MCTP1: variants seen among roughly 807,000 people sequenced by gnomAD.
MCTP1 encodes the protein multiple C2 and transmembrane domain containing 1, also known as multiple C2 and transmembrane domain-containing protein 1.
MCTP1 carries 69 observed loss-of-function variants against 120.6 expected under a neutral mutation model. That is an observed-to-expected ratio of 0.57 (90% CI 0.47 to 0.70). The LOEUF is 0.70. MCTP1 is among the 30% of genes least tolerant of loss of function. The probability of loss-of-function intolerance (pLI) is 0.00; values close to 1 mark genes in which losing one functional copy is unlikely to be tolerated. For synonymous variants in MCTP1, 529 were observed against 493.1 expected, an observed-to-expected ratio of 1.07 and a Z score of -0.96; for missense variants, 1,203 against 1,248.8, an observed-to-expected ratio of 0.96 and a Z score of 0.55.
At chr5:94,863,580 A>C (rs1796225153) in intron 17 of MCTP1, among the ~76,000 whole-genome samples, 1 of 151,926 alleles carries the variant, frequency 6.6e-6, no homozygotes, top group Non-Finnish European at 1.5e-5. Context: ...CTTTGTTTTC[A>C]CATTGATACT....
intron 3 of MCTP1, among the ~76,000 whole-genome samples, chr5:94,944,364 T>G (rs189804263): frequency 1.6e-4 from 25 of 152,312 alleles, no homozygotes. Context: ...AGCATATGCA[T>G]GTACTGCACA....
At chr5:95,196,592 T>C (rs1750420614) in intron 1 of MCTP1, among the ~76,000 whole-genome samples, 1 of 152,134 alleles carries the variant, frequency 6.6e-6, no homozygotes, top group African/African-American at 2.4e-5. Flanking sequence ...GTCGATATAA[T>C]CCATAACAGT....
intron 1 of MCTP1, chr5:95,024,050 G>T: frequency 2.3e-6 from 1 of 442,952 alleles, no homozygotes. Flanking sequence ...ATCTACGGAT[G>T]GTCTTTTCCC....
At chr5:95,178,667 T>C (rs1228751191) in intron 1 of MCTP1, among the ~76,000 whole-genome samples, 2 of 152,128 alleles carry the variant, frequency 1.3e-5, no homozygotes, top group South Asian at 4.1e-4. Context: ...AGCAAAAGAA[T>C]CTGAACAGCA....
intron 6 of MCTP1, chr5:94,931,234 A>G (rs1814586704): frequency 6.6e-6 from 1 of 152,168 alleles, no homozygotes; most frequent in African/African-American, 2.4e-5. Context: ...AGTCATTATT[A>G]AAAAGGAATA....
At chr5:95,121,736 C>T (rs2152408802) in intron 1 of MCTP1, among the ~76,000 whole-genome samples, 1 of 151,826 alleles carries the variant, frequency 6.6e-6, no homozygotes, top group East Asian at 1.9e-4. Context: ...ATCGTATTAC[C>T]TGACTTTATG....
chr5:95,207,192 G>A (rs1006526801), intron 1 of MCTP1, among the ~76,000 whole-genome samples: 2 of 152,104 alleles, frequency 1.3e-5, no homozygotes, highest in African/African-American at 4.8e-5. Flanking sequence ...GTGAAATGAA[G>A]ATGACATGTT....
At chr5:94,948,677 C>T (rs12519801) in intron 3 of MCTP1, among the ~76,000 whole-genome samples, 34,604 of 151,760 alleles carry the variant, frequency 0.23, 4,204 homozygotes, top group Non-Finnish European at 0.27. Context: ...TACTTGTGCC[C>T]CAGAATAACC....
At chr5:95,016,646 C>T (rs988608647) in intron 2 of MCTP1, among the ~76,000 whole-genome samples, 7 of 151,894 alleles carry the variant, frequency 4.6e-5, no homozygotes, top group African/African-American at 1.7e-4. Context: ...GAATTGGGGG[C>T]TCTCAGGGCC....
At chr5:94,831,790 T>C (rs965637047) in intron 17 of MCTP1, among the ~76,000 whole-genome samples, 2 of 152,220 alleles carry the variant, frequency 1.3e-5, no homozygotes, top group Admixed American at 6.5e-5. Context: ...AATATATACA[T>C]ATTTCTGAGG....
At chr5:95,045,933 T>A (rs1843059054) in intron 1 of MCTP1, among the ~76,000 whole-genome samples, 1 of 152,164 alleles carries the variant, frequency 6.6e-6, no homozygotes, top group African/African-American at 2.4e-5. Context: ...AACCTCTTCA[T>A]ACCTCAGCTT....
intron 3 of MCTP1, among the ~76,000 whole-genome samples, chr5:94,945,187 C>A (rs1228082045): frequency 1.3e-5 from 2 of 152,068 alleles, no homozygotes; most frequent in Non-Finnish European, 2.9e-5. Context: ...TAGATGAGAT[C>A]CTTGCTTTCA....
At chr5:95,259,200 A>G (rs796364261) in intron 1 of MCTP1, among the ~76,000 whole-genome samples, 1 of 152,170 alleles carries the variant, frequency 6.6e-6, no homozygotes, top group Non-Finnish European at 1.5e-5. Context: ...TTGGAGAATC[A>G]TCCCTGCCAA....
At chr5:95,069,490 T>C (rs941483409) in intron 1 of MCTP1, among the ~76,000 whole-genome samples, 5 of 151,448 alleles carry the variant, frequency 3.3e-5, no homozygotes, top group African/African-American at 1.2e-4. Flanking sequence ...AGAAATATGC[T>C]ACATTTTGAT....
chr5:95,101,631 G>A (rs1433960658), intron 1 of MCTP1, among the ~76,000 whole-genome samples: 3 of 152,182 alleles, frequency 2.0e-5, no homozygotes, highest in Non-Finnish European at 4.4e-5. Context: ...AAAGGGGGCT[G>A]CAGGCACATG....
At chr5:94,866,533 T>TG (rs1336438321) in intron 17 of MCTP1, among the ~76,000 whole-genome samples, 17 of 137,994 alleles carry the variant, frequency 1.2e-4, no homozygotes, top group African/African-American at 4.8e-4. Context: ...ACCTTTACTA[T>TG]GCCTGATTCC....
intron 2 of MCTP1, among the ~76,000 whole-genome samples, chr5:95,011,377 C>T (rs1054184659): frequency 2.0e-5 from 3 of 152,056 alleles, no homozygotes; most frequent in African/African-American, 7.2e-5. Context: ...AATTATTTAT[C>T]AGCTCAAAGA....
intron 19 of MCTP1, among the ~76,000 whole-genome samples, chr5:94,734,974 T>G (rs1416203550): frequency 6.6e-6 from 1 of 152,188 alleles, no homozygotes; most frequent in Admixed American, 6.5e-5. Context: ...TATCAGTTTT[T>G]TGCTACCACA....
At chr5:94,947,690 G>C (rs1819474996) in intron 3 of MCTP1, among the ~76,000 whole-genome samples, 1 of 148,176 alleles carries the variant, frequency 6.7e-6, no homozygotes, top group South Asian at 2.2e-4. Flanking sequence ...ATCAAGGTTT[G>C]CACTACACCT....
Sources: allele counts gnomAD v4.1 joint callset (sites outside exome capture counted in the v4.1 genomes callset), GRCh38; gene constraint gnomAD v4.1.1; transcripts MANE v1.5; gene names NCBI Gene and HGNC (gene_info 2026-07-23, HGNC 2026-07-21).